WDPCP: variants seen among roughly 807,000 people sequenced by gnomAD.
The protein encoded by WDPCP is WD repeat-containing and planar cell polarity effector protein fritz homolog.
In WDPCP, 71 loss-of-function variants were observed where a neutral mutation model predicts 93.1. The ratio of observed to expected loss-of-function variants is 0.76; its 90% CI spans 0.63 to 0.93. The LOEUF (loss-of-function observed/expected upper bound fraction) is 0.93, where lower values mean the gene tolerates loss of function less well. Ranked by LOEUF, WDPCP falls within the 40% of genes least tolerant of loss-of-function variation. WDPCP has a pLI of 0.00. For missense variants in WDPCP, 844 were observed against 887.4 expected, an observed-to-expected ratio of 0.95 and a Z score of 0.62; for synonymous variants, 315 against 315.0, an observed-to-expected ratio of 1.00 and a Z score of 0.00.
At chr2:63,531,473 C>T (rs1411647201) in intron 1 of WDPCP, among the ~76,000 whole-genome samples, 1 of 152,054 alleles carries the variant, frequency 6.6e-6, no homozygotes, top group Non-Finnish European at 1.5e-5. Context: ...GCTGGGTGCC[C>T]CTCTAAGATG....
chr2:63,146,937 TA>T (rs1300416536), intron 17 of WDPCP, among the ~76,000 whole-genome samples: 1 of 152,218 alleles, frequency 6.6e-6, no homozygotes, highest in Non-Finnish European at 1.5e-5. Context: ...ACTGTATATT[TA>T]AAACTTTTCA....
intron 1 of WDPCP, among the ~76,000 whole-genome samples, chr2:63,499,929 C>T (rs76643228): frequency 0.028 from 4,310 of 152,292 alleles, 91 homozygotes; most frequent in South Asian, 0.07. Flanking sequence ...AACCTGGCTA[C>T]GTGGTCTCCT....
intron 15 of WDPCP, among the ~76,000 whole-genome samples, chr2:63,168,366 A>C (rs1673148526): frequency 6.6e-6 from 1 of 151,868 alleles, no homozygotes; most frequent in South Asian, 2.1e-4. Context: ...CATTTGCCTG[A>C]ATATCTTTCC....
intron 2 of WDPCP, among the ~76,000 whole-genome samples, chr2:63,804,252 T>C (rs78531932): frequency 4.9e-4 from 68 of 138,214 alleles, no homozygotes; most frequent in African/African-American, 1.7e-3. Context: ...CAGATACTCC[T>C]TTTTTTTTTT....
chr2:63,585,614 C>A lies in WDPCP; in HGVS notation c.75+2583G>T, dbSNP rs80158152. Among the ~76,000 whole-genome samples the A allele has an allele frequency of 3.3e-5, 5 of 151,878 alleles. No individual in the cohort carries two copies. The South Asian group carries it at 1.0e-3, about 32-fold the overall frequency. On this transcript the variant is annotated intron_variant, in intron 1 of 17. Transcript: ENST00000272321. Reference sequence around the variant, plus strand: ...ATTTCTAAAAATGTAGCTACTTAGACAGACAGCAATGTAAAGGCATCTTTA... The same window carrying A: ...ATTTCTAAAAATGTAGCTACTTAGAAAGACAGCAATGTAAAGGCATCTTTA...
chr2:63,454,122 T>TA (rs200833362), intron 6 of WDPCP, among the ~76,000 whole-genome samples: 8 of 143,712 alleles, frequency 5.6e-5, no homozygotes, highest in Admixed American at 1.4e-4. Context: ...ATATATATAT[T>TA]AAAAAAAAGA....
At chr2:63,263,143 G>A (rs1459929535) in intron 13 of WDPCP, among the ~76,000 whole-genome samples, 1 of 152,112 alleles carries the variant, frequency 6.6e-6, no homozygotes, top group African/African-American at 2.4e-5. Flanking sequence ...AGGATCTGGT[G>A]AAAGACATAT....
At chr2:63,698,202 A>G (rs1668987939) in intron 2 of WDPCP, among the ~76,000 whole-genome samples, 1 of 152,052 alleles carries the variant, frequency 6.6e-6, no homozygotes, top group African/African-American at 2.4e-5. Context: ...GTGATCTGCC[A>G]CCTTGGCCTC....
chr2:63,608,151 G>A (rs1034863437), intron 3 of WDPCP, among the ~76,000 whole-genome samples: 21 of 152,204 alleles, frequency 1.4e-4, no homozygotes, highest in Admixed American at 3.9e-4. Context: ...ATTGTTAACA[G>A]TGTTATGCCA....
At chr2:63,655,500 C>G (rs1710157678) in intron 2 of WDPCP, among the ~76,000 whole-genome samples, 1 of 151,902 alleles carries the variant, frequency 6.6e-6, no homozygotes, top group South Asian at 2.1e-4. Flanking sequence ...TCTTAGAGAT[C>G]TTTCCATCTC....
intron 2 of WDPCP, among the ~76,000 whole-genome samples, chr2:63,762,691 T>A (rs1670075269): frequency 6.6e-6 from 1 of 152,212 alleles, no homozygotes; most frequent in Non-Finnish European, 1.5e-5. Flanking sequence ...CTAGCTCAGA[T>A]CTTTTTCTCG....
chr2:63,761,135 A>T (rs976907715), intron 2 of WDPCP, among the ~76,000 whole-genome samples: 1 of 152,134 alleles, frequency 6.6e-6, no homozygotes, highest in Non-Finnish European at 1.5e-5. Flanking sequence ...TGGGACCTTT[A>T]AGAGGTGATT....
chr2:63,588,364 ACGCCGC>A lies in WDPCP; in HGVS notation c.-99_-94del. On this transcript the variant is annotated 5_prime_UTR_variant, in exon 1 of 18. Coordinates refer to ENST00000272321, the MANE Select transcript of WDPCP (RefSeq NM_015910.7). ...TCGCTTGGTCTCTTGGGTCTCCAGG[ACGCCGC>A]CGCCGCCGCCACAGTTTCCTCAGGT... 2.1e-6 allele frequency: 3 copies of A among 1,437,022 alleles called. No homozygotes were observed. Among genetic ancestry groups the A allele is most frequent in the Non-Finnish European group, 1.9e-6 (2 of 1,044,064 alleles). The allele number at this position is 1,437,022 out of a possible 1,614,324, so 89.0% of individuals were successfully genotyped here.
At chr2:63,356,118 G>T (rs533107133) in intron 12 of WDPCP, among the ~76,000 whole-genome samples, 35 of 151,982 alleles carry the variant, frequency 2.3e-4, no homozygotes, top group South Asian at 6.2e-4. Flanking sequence ...AAGAAGCAGG[G>T]GTTGCAATCC....
intron 2 of WDPCP, among the ~76,000 whole-genome samples, chr2:63,687,945 A>G (rs1296379477): frequency 6.6e-6 from 1 of 152,244 alleles, no homozygotes. Flanking sequence ...CCAAGTGTCC[A>G]TCAACAGATG....
chr2:63,759,703 A>G (rs775896040), intron 2 of WDPCP, among the ~76,000 whole-genome samples: 1 of 152,190 alleles, frequency 6.6e-6, no homozygotes. Context: ...CCCACCAACC[A>G]CTAAACCAAC....
At chr2:63,496,616 C>T (rs1391371786) in intron 1 of WDPCP, among the ~76,000 whole-genome samples, 1 of 152,146 alleles carries the variant, frequency 6.6e-6, no homozygotes, top group East Asian at 1.9e-4. Flanking sequence ...TCCAGCTCAG[C>T]ACCAAACGAT....
chr2:63,494,284 T>TGAC (rs1381622171), intron 1 of WDPCP, among the ~76,000 whole-genome samples: 11 of 37,646 alleles, frequency 2.9e-4, no homozygotes, highest in Non-Finnish European at 3.8e-4. Flanking sequence ...ATGATGATGA[T>TGAC]GATGACGACG....
intron 1 of WDPCP, among the ~76,000 whole-genome samples, chr2:63,563,500 G>A (rs1304201738): frequency 2.0e-5 from 3 of 148,418 alleles, no homozygotes; most frequent in African/African-American, 7.5e-5. Context: ...ATGTGTAGAT[G>A]GGGCAAATCC....
Sources: allele counts gnomAD v4.1 joint callset (sites outside exome capture counted in the v4.1 genomes callset), GRCh38; gene constraint gnomAD v4.1.1; transcripts MANE v1.5; gene names NCBI Gene and HGNC (gene_info 2026-07-23, HGNC 2026-07-21).